The following SCMH1 variants were observed in gnomAD, a reference collection of about 807,000 sequenced individuals.
SCMH1 encodes the protein polycomb protein SCMH1.
Under a neutral mutation model 70.8 loss-of-function variants are expected in SCMH1, and 37 were observed. That is an observed-to-expected ratio of 0.52 (90% CI 0.40 to 0.69). The LOEUF (loss-of-function observed/expected upper bound fraction) is 0.69, where lower values mean the gene tolerates loss of function less well. SCMH1 is among the 30% of genes least tolerant of loss of function. SCMH1 has a pLI of 0.00. For missense variants in SCMH1, 607 were observed against 827.3 expected (o/e 0.73, Z 3.27); for synonymous variants, 292 against 307.4 (o/e 0.95, Z 0.52).
chr1:41,199,956 CAAG>C (rs1287321946), intron 1 of SCMH1, among the ~76,000 whole-genome samples: 1 of 152,158 alleles, frequency 6.6e-6, no homozygotes, highest in Non-Finnish European at 1.5e-5. Flanking sequence ...TAGTTTAAAA[CAAG>C]AAGAAGACCA....
chr1:41,087,937 GGTGTGTGT>G (rs55721560), intron 8 of SCMH1, among the ~76,000 whole-genome samples: 4 of 139,908 alleles, frequency 2.9e-5, no homozygotes, highest in Non-Finnish European at 6.1e-5. Context: ...TATAGTTTCT[GGTGTGTGT>G]GTGTGTGTGT....
chr1:41,112,596 G>T (rs916846417), intron 8 of SCMH1, among the ~76,000 whole-genome samples: 20 of 151,884 alleles, frequency 1.3e-4, no homozygotes, highest in Non-Finnish European at 2.4e-4. Flanking sequence ...ATATGATATA[G>T]TTATAATATA....
At chr1:41,058,223 G>A (rs1358754470) in intron 10 of SCMH1, among the ~76,000 whole-genome samples, 1 of 151,784 alleles carries the variant, frequency 6.6e-6, no homozygotes, top group African/African-American at 2.4e-5. Context: ...ATTTGAGCAT[G>A]ATAACTGAAT....
intron 10 of SCMH1, among the ~76,000 whole-genome samples, chr1:41,061,470 A>C (rs1184258806): frequency 3.9e-5 from 6 of 152,196 alleles, no homozygotes; most frequent in African/African-American, 1.4e-4. Context: ...GAGCAAGGAA[A>C]ATTATCAGGG....
intron 4 of SCMH1, among the ~76,000 whole-genome samples, chr1:41,155,505 CA>C (rs1645442022): frequency 6.7e-6 from 1 of 149,840 alleles, no homozygotes; most frequent in East Asian, 1.9e-4. Context: ...CCACATGGAG[CA>C]AAAACAAACA....
intron 1 of SCMH1, among the ~76,000 whole-genome samples, chr1:41,217,801 G>A (rs573988865): frequency 4.6e-5 from 7 of 152,346 alleles, no homozygotes; most frequent in African/African-American, 1.7e-4. Flanking sequence ...CACCCCAGCA[G>A]TCCAGAGGAC....
chr1:41,091,457 T>C (rs1226521524), intron 8 of SCMH1, among the ~76,000 whole-genome samples: 1 of 152,152 alleles, frequency 6.6e-6, no homozygotes, highest in African/African-American at 2.4e-5. Flanking sequence ...CTGGAAGCAT[T>C]CCCTTTGAAA....
intron 1 of SCMH1, among the ~76,000 whole-genome samples, chr1:41,215,484 T>G (rs1049042640): frequency 4.4e-4 from 67 of 152,098 alleles, no homozygotes; most frequent in Admixed American, 4.4e-3. Context: ...ATTTTATTTT[T>G]CAGGATCTAG....
Position 41,195,131 on chromosome 1 carries a change from CAAAAAAAAAAAAA to C in SCMH1, c.-117-8894_-117-8882del, listed in dbSNP as rs35569635. Reference sequence around the variant, plus strand: ...AGGCAACAAGATTGAAACTCTCTCTCAAAAAAAAAAAAAAAAAAAAAAAAAAAAGGCCAGATAA... The same window carrying C: ...AGGCAACAAGATTGAAACTCTCTCTCAAAAAAAAAAAAAAAGGCCAGATAA... On this transcript the variant is annotated intron_variant, in intron 1 of 14. Transcript: ENST00000337495. Among the ~76,000 whole-genome samples the C allele has an allele frequency of 4.6e-3, 121 of 26,258 alleles. 2 individuals are homozygous for C. In the East Asian group the frequency reaches 0.16, roughly 34 times the overall value. 17.2% of individuals were successfully genotyped at this position (26,258 alleles called of 152,430 possible).
At chr1:41,102,080 C>T (rs1382811566) in intron 8 of SCMH1, among the ~76,000 whole-genome samples, 1 of 152,194 alleles carries the variant, frequency 6.6e-6, no homozygotes, top group African/African-American at 2.4e-5. Flanking sequence ...AAGAATTTAT[C>T]ATCAGATTTC....
intron 1 of SCMH1, among the ~76,000 whole-genome samples, chr1:41,225,479 G>A (rs1375683555): frequency 6.6e-6 from 1 of 152,142 alleles, no homozygotes; most frequent in Non-Finnish European, 1.5e-5. Context: ...TATAAAGATA[G>A]ACAGGACTAG....
chr1:41,031,163 C>T (rs1448324386), intron 13 of SCMH1, among the ~76,000 whole-genome samples: 1 of 152,108 alleles, frequency 6.6e-6, no homozygotes. Flanking sequence ...GTGGTATGCA[C>T]CAATAGTCCC....
chr1:41,112,567 G>A (rs1669511561), intron 8 of SCMH1, among the ~76,000 whole-genome samples: 1 of 151,676 alleles, frequency 6.6e-6, no homozygotes, highest in Non-Finnish European at 1.5e-5. Context: ...ATAGCATATT[G>A]TAATAATCAT....
At chr1:41,215,247 C>CT (rs1387362473) in intron 1 of SCMH1, among the ~76,000 whole-genome samples, 2 of 152,160 alleles carry the variant, frequency 1.3e-5, no homozygotes, top group African/African-American at 2.4e-5. Context: ...TCTCTCTCCA[C>CT]TTCCATTCCA....
intron 8 of SCMH1, among the ~76,000 whole-genome samples, chr1:41,092,493 C>G (rs889497127): frequency 3.9e-5 from 6 of 152,250 alleles, no homozygotes; most frequent in Admixed American, 2.0e-4. Context: ...ACACCAAAAG[C>G]AATGGCAACA....
chr1:41,042,514 G>T (rs2300654), intron 12 of SCMH1, among the ~76,000 whole-genome samples: 98,638 of 151,992 alleles, frequency 0.65, 33,537 homozygotes, highest in African/African-American at 0.86. Flanking sequence ...CCAAAGTGCT[G>T]GGATTACAGG....
chr1:41,092,667 A>C lies in SCMH1; in HGVS notation c.746-17216T>G, dbSNP rs565661998. On this transcript the variant is annotated intron_variant, in intron 8 of 14. Transcript: ENST00000337495. ...CCAGAATCTACAAAGAACTTAAACA[A>C]ATTTACAAGAAAAAATCAAATAACC... Among the ~76,000 whole-genome samples the C allele has an allele frequency of 8.4e-4, 128 of 152,320 alleles. 1 individual carries two copies. Among genetic ancestry groups the C allele is most frequent in the African/African-American group, 2.7e-3 (111 of 41,582 alleles).
chr1:41,040,097 A>C (rs552139537), intron 12 of SCMH1, among the ~76,000 whole-genome samples: 1 of 152,298 alleles, frequency 6.6e-6, no homozygotes, highest in Non-Finnish European at 1.5e-5. Flanking sequence ...CCCATCTATA[A>C]AATGGAGAGG....
intron 1 of SCMH1, among the ~76,000 whole-genome samples, chr1:41,224,303 T>G (rs1659857464): frequency 6.6e-6 from 1 of 152,202 alleles, no homozygotes; most frequent in African/African-American, 2.4e-5. Flanking sequence ...TAAAGGGTAA[T>G]GCTGCTTCAT....
Sources: allele counts gnomAD v4.1 joint callset (sites outside exome capture counted in the v4.1 genomes callset), GRCh38; gene constraint gnomAD v4.1.1; transcripts MANE v1.5; gene names NCBI Gene and HGNC (gene_info 2026-07-23, HGNC 2026-07-21).